The following GBF1 variants were observed in gnomAD, a reference collection of about 807,000 sequenced individuals.
GBF1 encodes the protein Golgi-specific brefeldin A-resistance guanine nucleotide exchange factor 1.
A neutral mutation model predicts 210.5 loss-of-function variants in GBF1; 114 were observed. The observed-to-expected ratio is 0.54, with a 90% CI of 0.47 to 0.63. The LOEUF (loss-of-function observed/expected upper bound fraction) is 0.63. Among genes scored for constraint, GBF1 ranks in the 30% least tolerant of loss-of-function variants. The probability of loss-of-function intolerance (pLI) is 0.00; values close to 1 mark genes in which losing one functional copy is unlikely to be tolerated. For synonymous variants in GBF1, 850 were observed against 889.2 expected (o/e 0.96, Z 0.78); for missense variants, 1,851 against 2,357.7 (o/e 0.79, Z 4.45).
At chr10:102,333,123 A>G (rs927645812) in intron 3 of GBF1, among the ~76,000 whole-genome samples, 1 of 152,210 alleles carries the variant, frequency 6.6e-6, no homozygotes, top group South Asian at 2.1e-4. Flanking sequence ...TGAGGAAACT[A>G]TGGCCCAGAG....
chr10:102,327,894 T>C (rs897666852), intron 3 of GBF1, among the ~76,000 whole-genome samples: 2 of 152,244 alleles, frequency 1.3e-5, no homozygotes, highest in Non-Finnish European at 2.9e-5. Flanking sequence ...TCCCATGTTT[T>C]GTGAAATTGT....
chr10:102,311,729 T>G (rs565682999), intron 3 of GBF1, among the ~76,000 whole-genome samples: 1 of 152,346 alleles, frequency 6.6e-6, no homozygotes, highest in African/African-American at 2.4e-5. Flanking sequence ...GAACTGCCTT[T>G]GCTAGCTGTA....
At chr10:102,300,667 T>C (rs1181206786) in intron 3 of GBF1, among the ~76,000 whole-genome samples, 2 of 152,238 alleles carry the variant, frequency 1.3e-5, no homozygotes, top group African/African-American at 4.8e-5. Context: ...ATGTTTGTGG[T>C]TCCTGGTACA....
chr10:102,355,067 G>A (rs955219224), intron 8 of GBF1, among the ~76,000 whole-genome samples: 3 of 152,094 alleles, frequency 2.0e-5, no homozygotes, highest in African/African-American at 4.8e-5. Context: ...TAAAAGTCAA[G>A]GTATAGGGGA....
intron 3 of GBF1, among the ~76,000 whole-genome samples, chr10:102,267,084 C>T (rs530561360): frequency 6.6e-6 from 1 of 152,248 alleles, no homozygotes; most frequent in East Asian, 1.9e-4. Context: ...GCAGTAGCCG[C>T]TTAGGTAGAA....
upstream of GBF1, among the ~76,000 whole-genome samples, chr10:102,242,435 CT>C (rs2070560456): frequency 6.6e-6 from 1 of 152,240 alleles, no homozygotes; most frequent in Non-Finnish European, 1.5e-5. Flanking sequence ...TGGTTTCCCG[CT>C]GGTGGTACCA....
At chr10:102,374,604 A>G (rs1221274780) in intron 29 of GBF1, among the ~76,000 whole-genome samples, 2 of 152,112 alleles carry the variant, frequency 1.3e-5, no homozygotes, top group Non-Finnish European at 2.9e-5. Context: ...AAAAGGCAAC[A>G]TGAGGGATAC....
intron 12 of GBF1, 41 bp downstream of exon 12, chr10:102,360,436 G>A (rs754419841): frequency 7.1e-5 from 94 of 1,329,712 alleles, no homozygotes; most frequent in Non-Finnish European, 1.3e-5. Context: ...CCTCTTTCAA[G>A]GGCCAGGGGA....
At position 102,352,528 on chromosome 10, in the gene GBF1, C is replaced by T; in HGVS notation, c.584+10C>T. 6.3e-7 allele frequency: 1 copy of T among 1,596,388 alleles called. No individual in the cohort carries two copies. Among genetic ancestry groups the T allele is most frequent in the Non-Finnish European group, 8.6e-7 (1 of 1,164,086 alleles). On this transcript the variant is annotated intron_variant, in intron 7 of 39. Coordinates refer to ENST00000369983, the MANE Select transcript of GBF1 (RefSeq NM_001377137.1). ...AGCTGCTCTTCACAAGGTAAACCTGCTGCTGTTTGCTTCAGCCCGGCTGCC... is the reference window on the plus strand; with the variant it reads ...AGCTGCTCTTCACAAGGTAAACCTGTTGCTGTTTGCTTCAGCCCGGCTGCC...
Position 102,376,724 on chromosome 10 carries a change from T to C in GBF1, c.4212T>C (p.Ala1404=). The part of the protein sequence containing the change: ...VESLSFIVRD[A]AHITPDNFEL... ...CGCTGTCCTTCATTGTGCGTGATGC[T>C]GCCCACATCACACCTGACAACTTTG... is the stretch of plus-strand genomic sequence containing the variant. Residue 1404 remains alanine, a synonymous_variant, in exon 32 of 40, where the codon GCT becomes GCC. Transcript: ENST00000369983. 6.2e-7 allele frequency: 1 copy of C among 1,611,392 alleles called. No homozygotes were observed.
rs1396417787 is a variant in GBF1, at chr10:102,370,859, A to T, written c.3659A>T (p.Gln1220Leu). 1 of 1,614,002 alleles carries T rather than the reference A, an allele frequency of 6.2e-7. No individual in the cohort carries two copies. The highest frequency in any genetic ancestry group is 2.2e-5 in the East Asian group (1 of 44,892). ...RLLRREEISA[Q>L]VLLSLRILLL... is the part of the protein sequence containing the mutation. ...CTCCGGAGAGAAGAGATCAGTGCTCAGGTAAGCAGAATGCATCTTGGAGAG... is the reference window on the plus strand; with the variant it reads ...CTCCGGAGAGAAGAGATCAGTGCTCTGGTAAGCAGAATGCATCTTGGAGAG... Residue 1220 changes from glutamine to leucine, a missense_variant and splice_region_variant, in exon 29 of 40, where the codon CAG becomes CTG. Transcript: ENST00000369983.
Position 102,366,420 on chromosome 10 carries a change from C to A in GBF1, c.2347C>A (p.Leu783Ile). Residue 783 changes from leucine (L) to isoleucine (I), a missense_variant, in exon 19 of 40, where the codon CTC (leucine) becomes ATC (isoleucine). Leu to Ile is a conservative substitution (Grantham distance 5, BLOSUM62 2). Around this residue, in one of 3 missense-constraint regions of GBF1, gnomAD observed 80 missense variants for 151.4 expected, o/e 0.53. Transcript: ENST00000369983. The surrounding 1 kb of genome is among the most constrained non-coding windows in gnomAD (Gnocchi z 4.0). ...SFQGLRLDEA[L>I]RLYLEAFRLP... Reference sequence around the variant, plus strand: ...TCAGGGTCTGCGACTGGACGAAGCCCTCCGCCTCTACCTGGAAGCCTTCCG... The same window carrying A: ...TCAGGGTCTGCGACTGGACGAAGCCATCCGCCTCTACCTGGAAGCCTTCCG... 6.2e-7 allele frequency: 1 copy of A among 1,614,020 alleles called. No individual in the cohort carries two copies. Among genetic ancestry groups the A allele is most frequent in the South Asian group, 1.1e-5 (1 of 91,078 alleles).
chr10:102,244,348 G>A (rs889171601), upstream of GBF1, among the ~76,000 whole-genome samples: 3 of 152,150 alleles, frequency 2.0e-5, no homozygotes, highest in Non-Finnish European at 4.4e-5. Flanking sequence ...CAGGTCTGCA[G>A]GGACACTGGG....
chr10:102,369,776 G>T lies in GBF1; in HGVS notation c.3215+1G>T, dbSNP rs1183302546. The stretch of plus-strand genomic sequence containing the variant: ...AGCGGGAAGAGACACCATCAAACCG[G>T]TAAGAGCAGACCAGAGGCTCAGGGG... On this transcript the variant is annotated splice_donor_variant, in intron 25 of 39. Coordinates refer to ENST00000369983, the MANE Select transcript of GBF1 (RefSeq NM_001377137.1). LOFTEE classifies it high-confidence loss of function. 6.2e-7 allele frequency: 1 copy of T among 1,614,138 alleles called. No individual in the cohort carries two copies. The highest frequency in any genetic ancestry group is 1.1e-5 in the South Asian group (1 of 91,074).
chr10:102,278,275 CTTT>C (rs75537807), intron 3 of GBF1, among the ~76,000 whole-genome samples: 1 of 142,504 alleles, frequency 7.0e-6, no homozygotes, highest in African/African-American at 2.6e-5. Context: ...AACAAAAACA[CTTT>C]TTTTTTTTTT....
At chr10:102,354,419 C>A (rs1251167592) in intron 8 of GBF1, among the ~76,000 whole-genome samples, 7 of 152,182 alleles carry the variant, frequency 4.6e-5, no homozygotes, top group Admixed American at 3.3e-4. Flanking sequence ...GGGGAGCAGA[C>A]CAAAGCCCTG....
intron 3 of GBF1, among the ~76,000 whole-genome samples, chr10:102,308,453 T>C (rs1007123932): frequency 6.6e-6 from 1 of 151,988 alleles, no homozygotes; most frequent in Non-Finnish European, 1.5e-5. Context: ...CTATTCCCAA[T>C]AGCAAAGACT....
the GBF1 span, among the ~76,000 whole-genome samples, chr10:102,238,618 A>C: frequency 6.6e-6 from 1 of 152,204 alleles, no homozygotes; most frequent in Non-Finnish European, 1.5e-5. Context: ...GCTTGGGCAT[A>C]ATAATAGCAG....
At chr10:102,340,010 G>A (rs1589695634) in intron 3 of GBF1, among the ~76,000 whole-genome samples, 3 of 148,708 alleles carry the variant, frequency 2.0e-5, no homozygotes, top group East Asian at 2.0e-4. Flanking sequence ...CTGGAGTGCA[G>A]TGGCACGATC....
Sources: gnomAD v4.1 joint callset for allele counts (sites outside exome capture counted in the v4.1 genomes callset) on GRCh38, gnomAD v4.1.1 for gene constraint, gnomAD v4.1.1 regional missense constraint, Gnocchi (gnomAD v3.1) non-coding constraint, MANE v1.5 for transcripts, NCBI Gene and HGNC (gene_info 2026-07-23, HGNC 2026-07-21) for gene names.